Variants in MRAP observed in about 807,000 individuals in gnomAD.
MRAP encodes melanocortin-2 receptor accessory protein.
In MRAP, 8 loss-of-function variants were observed where a neutral mutation model predicts 8.7. That is an observed-to-expected ratio of 0.92 (90% CI 0.54 to 1.66). The LOEUF is 1.66. MRAP is among the 40% of genes most tolerant of loss of function. The pLI is 0.00. For missense variants in MRAP, 237 were observed against 217.1 expected (o/e 1.09, Z -0.58); for synonymous variants, 95 against 95.5 (o/e 1.00, Z 0.03).
chr21:32,297,098 G>C (rs146763773), upstream of MRAP, among the ~76,000 whole-genome samples: 396 of 152,308 alleles, frequency 2.6e-3, 3 homozygotes, highest in African/African-American at 9.2e-3. Context: ...GACTGTATTT[G>C]ATCTTTGTCC....
chr21:32,300,253 G>C (rs569903738), intron 1 of MRAP, among the ~76,000 whole-genome samples: 1 of 152,096 alleles, frequency 6.6e-6, no homozygotes, highest in African/African-American at 2.4e-5. Context: ...ACGCAGACCA[G>C]GCATGGTGGC....
chr21:32,300,787 G>GGGCGTC (rs1569026655), intron 1 of MRAP, among the ~76,000 whole-genome samples: 2 of 141,478 alleles, frequency 1.4e-5, no homozygotes, highest in African/African-American at 5.2e-5. Flanking sequence ...TCCTATGTCG[G>GGGCGTC]ATGTGTCATG....
intron 1 of MRAP, 59 bp downstream of exon 1, chr21:32,299,136 T>C (rs2032201379): frequency 4.5e-6 from 6 of 1,323,498 alleles, no homozygotes; most frequent in Non-Finnish European, 6.5e-6. Flanking sequence ...CCCAAATGAC[T>C]GGGCACTCCC....
rs1404045965 is a variant in MRAP, at chr21:32,298,955, T to C, written c.-17T>C. 3.1e-6 allele frequency: 5 copies of C among 1,600,458 alleles called. No individual in the cohort carries two copies. In the African/African-American group the frequency reaches 5.4e-5, roughly 17 times the overall value. On this transcript the variant is annotated 5_prime_UTR_variant, in exon 1 of 3. Coordinates refer to ENST00000303645, the MANE Select transcript of MRAP (RefSeq NM_001379228.1). ...CGAGGCTGCCGGCCCGGACGCTGAC[T>C]GCCCAGTGCCACAGACATGGCCAAC...
chr21:32,308,295 TG>T (rs1480680188), intron 2 of MRAP, among the ~76,000 whole-genome samples: 1 of 151,450 alleles, frequency 6.6e-6, no homozygotes, highest in Non-Finnish European at 1.5e-5. Context: ...GAGAATCGCT[TG>T]AACGCAGGAG....
intron 1 of MRAP, among the ~76,000 whole-genome samples, chr21:32,300,804 A>G (rs2032269184): frequency 7.2e-6 from 1 of 138,944 alleles, no homozygotes; most frequent in African/African-American, 2.7e-5. Context: ...CATGCATCCT[A>G]TGTCAGGGGC....
intron 1 of MRAP, among the ~76,000 whole-genome samples, chr21:32,302,498 A>G (rs1008092096): frequency 6.6e-6 from 1 of 152,200 alleles, no homozygotes; most frequent in African/African-American, 2.4e-5. Context: ...TTCTTTGCTG[A>G]CTTGGTAAAG....
chr21:32,297,527 A>T (rs2032161655), upstream of MRAP, among the ~76,000 whole-genome samples: 2 of 152,268 alleles, frequency 1.3e-5, no homozygotes, highest in South Asian at 4.1e-4. Flanking sequence ...ACCCTGCCCC[A>T]TGTGTCTCTT....
chr21:32,304,917 G>A lies in MRAP; in HGVS notation c.107-1723G>A, dbSNP rs78234698. Among the ~76,000 whole-genome samples the A allele has an allele frequency of 8.3e-3, 1,236 of 148,344 alleles. 32 individuals carry two copies. The East Asian group carries it at 0.084, about 10-fold the overall frequency. On this transcript the variant is annotated intron_variant, in intron 1 of 2. Coordinates refer to ENST00000303645, the MANE Select transcript of MRAP (RefSeq NM_001379228.1). ...TGCTCATGATTCTTTCGCCAATACT[G>A]TGCCTTTTCATTATACCCTGTTTTG...
upstream of MRAP, among the ~76,000 whole-genome samples, chr21:32,295,363 C>T (rs997070115): frequency 3.9e-5 from 6 of 152,166 alleles, no homozygotes; most frequent in African/African-American, 9.7e-5. Context: ...CTGATTCCTC[C>T]CTGGGGGTGG....
intron 1 of MRAP, among the ~76,000 whole-genome samples, chr21:32,304,153 G>A (rs560823466): frequency 4.6e-5 from 7 of 152,258 alleles, no homozygotes; most frequent in African/African-American, 1.2e-4. Flanking sequence ...ATTAGTGTCC[G>A]CAGAAACCTA....
rs1300519473 is a variant in MRAP at position 32,303,966 on chromosome 21, C to T, written c.107-2674C>T. ...AGACACTGCGTTCTGTGAAACCTGT[C>T]ATCTTATTTCTTGCTCAATATCTGG... On this transcript the variant is annotated intron_variant, in intron 1 of 2. Coordinates refer to ENST00000303645, the MANE Select transcript of MRAP (RefSeq NM_001379228.1). Among the ~76,000 whole-genome samples, 3 of 152,158 alleles carry T rather than the reference C, an allele frequency of 2.0e-5. No individual in the cohort carries two copies. In the East Asian group the frequency reaches 5.8e-4, roughly 29 times the overall value.
chr21:32,292,231 C>T (rs1178109293), intron 1 of MRAP, among the ~76,000 whole-genome samples: 5 of 151,930 alleles, frequency 3.3e-5, no homozygotes, highest in Non-Finnish European at 7.4e-5. Flanking sequence ...TCACAGTAAT[C>T]CAGGGTTGGA....
intron 1 of MRAP, chr21:32,306,406 C>A: frequency 1.7e-6 from 1 of 574,474 alleles, no homozygotes; most frequent in East Asian, 3.4e-5. Context: ...TAACAATCAC[C>A]CTAAACAGAC....
chr21:32,314,517 C>T (rs2032647473), downstream of MRAP: 1 of 1,589,134 alleles, frequency 6.3e-7, no homozygotes, highest in Admixed American at 1.7e-5. Flanking sequence ...TCTTCGTTTT[C>T]ATAAAAAAAA....
At chr21:32,302,537 G>T (rs2032316600) in intron 1 of MRAP, among the ~76,000 whole-genome samples, 1 of 152,216 alleles carries the variant, frequency 6.6e-6, no homozygotes, top group South Asian at 2.1e-4. Context: ...CAGAGTACCA[G>T]ATAAAACAGA....
chr21:32,310,273 C>T (rs778517736), intron 2 of MRAP, among the ~76,000 whole-genome samples: 20 of 150,588 alleles, frequency 1.3e-4, no homozygotes, highest in African/African-American at 4.2e-4. Flanking sequence ...ATGCTCAGGG[C>T]GGCAAAGTGG....
chr21:32,299,775 G>C (rs773366422), intron 1 of MRAP, among the ~76,000 whole-genome samples: 2 of 152,176 alleles, frequency 1.3e-5, no homozygotes, highest in Non-Finnish European at 2.9e-5. Context: ...CTAAAATGCA[G>C]ATTTAATGAT....
intron 1 of MRAP, among the ~76,000 whole-genome samples, chr21:32,300,975 CAT>C (rs1020233789): frequency 1.5e-4 from 18 of 122,882 alleles, no homozygotes; most frequent in African/African-American, 2.4e-4. Flanking sequence ...AAAGATGTAT[CAT>C]ATTTCATATA....
Sources: gnomAD v4.1 joint callset for allele counts (sites outside exome capture counted in the v4.1 genomes callset) on GRCh38, gnomAD v4.1.1 for gene constraint, MANE v1.5 for transcripts, NCBI Gene and HGNC (gene_info 2026-07-23, HGNC 2026-07-21) for gene names.